The following DIS3L2 variants were observed in gnomAD, a reference collection of about 807,000 sequenced individuals.
DIS3L2 encodes DIS3-like exonuclease 2.
A neutral mutation model predicts 97.5 loss-of-function variants in DIS3L2; 34 were observed. That is an observed-to-expected ratio of 0.35 (90% CI 0.27 to 0.46). The LOEUF (loss-of-function observed/expected upper bound fraction) is 0.46, where lower values mean the gene tolerates loss of function less well. DIS3L2 is among the 20% of genes least tolerant of loss of function. The pLI is 1.00. For synonymous variants in DIS3L2, 435 were observed against 445.2 expected, an observed-to-expected ratio of 0.98 and a Z score of 0.29; for missense variants, 1,038 against 1,146.0, an observed-to-expected ratio of 0.91 and a Z score of 1.36.
At chr2:232,222,913 T>C (rs1692543060) in intron 10 of DIS3L2, among the ~76,000 whole-genome samples, 1 of 152,224 alleles carries the variant, frequency 6.6e-6, no homozygotes, top group South Asian at 2.1e-4. Context: ...TGAGTTCCTT[T>C]TTGAGGACAC....
chr2:232,287,159 T>A (rs926587238), intron 13 of DIS3L2, among the ~76,000 whole-genome samples: 2 of 152,166 alleles, frequency 1.3e-5, no homozygotes, highest in Non-Finnish European at 2.9e-5. Context: ...CTAGAGAGAT[T>A]ACATGGCAGC....
intron 6 of DIS3L2, among the ~76,000 whole-genome samples, chr2:232,127,872 C>A (rs1698109323): frequency 6.6e-6 from 1 of 152,178 alleles, no homozygotes; most frequent in Non-Finnish European, 1.5e-5. Flanking sequence ...AATTTAAATT[C>A]TTTCCCTGAT....
chr2:232,275,061 C>G (rs1694106054), intron 13 of DIS3L2, among the ~76,000 whole-genome samples: 1 of 152,066 alleles, frequency 6.6e-6, no homozygotes. Context: ...TATCCTTCCT[C>G]CTCCCTCCTG....
intron 14 of DIS3L2, among the ~76,000 whole-genome samples, chr2:232,315,705 C>T (rs752984072): frequency 6.6e-6 from 1 of 152,172 alleles, no homozygotes; most frequent in Non-Finnish European, 1.5e-5. Context: ...GTCTGTTCTG[C>T]GGATGCTTCT....
intron 1 of DIS3L2, among the ~76,000 whole-genome samples, chr2:232,005,113 C>G (rs1412449839): frequency 1.3e-5 from 2 of 148,394 alleles, no homozygotes; most frequent in Non-Finnish European, 3.0e-5. Flanking sequence ...TGGATTGTTT[C>G]CTGAATATTA....
At chr2:232,130,466 G>A (rs1273560422) in intron 6 of DIS3L2, among the ~76,000 whole-genome samples, 153 bp from the exon 7 acceptor site, 1 of 152,190 alleles carries the variant, frequency 6.6e-6, no homozygotes, top group Non-Finnish European at 1.5e-5. Flanking sequence ...ACTGGTATGT[G>A]ACAGGTCCAC....
At chr2:232,330,594 C>A (rs531142500) in intron 15 of DIS3L2, 96 bp from the exon 16 acceptor site, 3 of 1,329,114 alleles carry the variant, frequency 2.3e-6, no homozygotes, top group East Asian at 2.3e-5. Context: ...CTCCTCCCCC[C>A]AGAGCCGGGC....
intron 6 of DIS3L2, among the ~76,000 whole-genome samples, chr2:232,117,531 A>T (rs1167955530): frequency 6.6e-6 from 1 of 152,204 alleles, no homozygotes; most frequent in East Asian, 1.9e-4. Context: ...CTCTTGAACT[A>T]GCAAGTGTCA....
intron 12 of DIS3L2, among the ~76,000 whole-genome samples, chr2:232,262,112 G>GT (rs1219435153): frequency 3.9e-5 from 6 of 151,992 alleles, no homozygotes; most frequent in Non-Finnish European, 8.8e-5. Context: ...CAGCTCTCTT[G>GT]TTTTTTCTAC....
intron 4 of DIS3L2, among the ~76,000 whole-genome samples, chr2:232,024,992 C>A (rs2106233819): frequency 6.6e-6 from 1 of 152,192 alleles, no homozygotes; most frequent in East Asian, 1.9e-4. Context: ...CTAACTTTTC[C>A]AGGATACCAT....
chr2:232,224,195 A>G (rs922280146), intron 10 of DIS3L2, among the ~76,000 whole-genome samples: 2 of 152,216 alleles, frequency 1.3e-5, no homozygotes, highest in Non-Finnish European at 2.9e-5. Flanking sequence ...ACAGACCCAC[A>G]TATATATACA....
intron 9 of DIS3L2, among the ~76,000 whole-genome samples, chr2:232,182,890 C>CT (rs1415284329): frequency 2.6e-5 from 4 of 152,100 alleles, no homozygotes; most frequent in Non-Finnish European, 4.4e-5. Context: ...GCTGTTATTG[C>CT]TGTTTGTTCT....
intron 1 of DIS3L2, among the ~76,000 whole-genome samples, chr2:231,984,269 C>A (rs1394594370): frequency 6.6e-6 from 1 of 150,752 alleles, no homozygotes; most frequent in Non-Finnish European, 1.5e-5. Context: ...AACATTTTTC[C>A]TTTTAGCTTT....
At chr2:232,236,700 A>G (rs1484683060) in intron 10 of DIS3L2, among the ~76,000 whole-genome samples, 1 of 152,138 alleles carries the variant, frequency 6.6e-6, no homozygotes, top group Non-Finnish European at 1.5e-5. Context: ...TGTATCTTCC[A>G]TGTGCTTCTC....
At chr2:232,023,414 G>A (rs149369064) in intron 3 of DIS3L2, among the ~76,000 whole-genome samples, 1 of 152,262 alleles carries the variant, frequency 6.6e-6, no homozygotes, top group East Asian at 1.9e-4. Flanking sequence ...GTATCTTTGA[G>A]TCTTTAAACG....
intron 5 of DIS3L2, among the ~76,000 whole-genome samples, chr2:232,065,398 G>A (rs1157448196): frequency 6.6e-6 from 1 of 151,820 alleles, no homozygotes; most frequent in Non-Finnish European, 1.5e-5. Flanking sequence ...TATATATAGT[G>A]TGAAGTGAGG....
At chr2:232,024,108 A>G in intron 3 of DIS3L2, among the ~76,000 whole-genome samples, 169 bp from the exon 4 acceptor site, 1 of 152,190 alleles carries the variant, frequency 6.6e-6, no homozygotes, top group East Asian at 1.9e-4. Context: ...TCTATTTCAG[A>G]TATCAACATA....
intron 13 of DIS3L2, among the ~76,000 whole-genome samples, chr2:232,267,962 G>A (rs1186804147): frequency 1.3e-5 from 2 of 152,086 alleles, no homozygotes; most frequent in African/African-American, 4.8e-5. Flanking sequence ...TGATTTTTAG[G>A]AAGCTACACC....
chr2:232,071,130 T>C (rs531496255), intron 5 of DIS3L2, among the ~76,000 whole-genome samples: 1 of 152,304 alleles, frequency 6.6e-6, no homozygotes, highest in South Asian at 2.1e-4. Flanking sequence ...AGTTAAAACA[T>C]AATTCAGCCA....
Sources: gnomAD v4.1 joint callset for allele counts (sites outside exome capture counted in the v4.1 genomes callset) on GRCh38, gnomAD v4.1.1 for gene constraint, MANE v1.5 for transcripts, NCBI Gene and HGNC (gene_info 2026-07-23, HGNC 2026-07-21) for gene names.